IL1RAPL1: variants seen among roughly 807,000 people sequenced by gnomAD.
IL1RAPL1 encodes interleukin 1 receptor accessory protein like 1.
A neutral mutation model predicts 48.4 loss-of-function variants in IL1RAPL1; 3 were observed. The observed-to-expected ratio is 0.06, with a 90% CI of 0.03 to 0.16. IL1RAPL1 has a LOEUF of 0.16. IL1RAPL1 is among the 10% of genes least tolerant of loss of function. The pLI is 1.00. For missense variants in IL1RAPL1, 349 were observed against 530.6 expected (o/e 0.66, Z 3.36); for synonymous variants, 185 against 187.7 (o/e 0.99, Z 0.12).
intron 9 of IL1RAPL1, among the ~76,000 whole-genome samples, chrX:29,954,141 C>T (rs1933368097): frequency 1.0e-5 from 1 of 98,731 alleles, no homozygotes; most frequent in Admixed American, 1.2e-4. Context: ...GAGGTTGAGG[C>T]AGGAGAATGG....
intron 4 of IL1RAPL1, among the ~76,000 whole-genome samples, chrX:29,398,907 AT>A (rs1347821129): frequency 2.7e-5 from 3 of 112,221 alleles, no homozygotes; most frequent in African/African-American, 3.2e-5. Flanking sequence ...TTCCAAAAAA[AT>A]AATCTTCAGA....
chrX:29,334,419 A>C (rs1225629958), intron 3 of IL1RAPL1, among the ~76,000 whole-genome samples: 4 of 81,562 alleles, frequency 4.9e-5, no homozygotes, highest in African/African-American at 9.6e-5. Context: ...GGAGCCCCTC[A>C]CCTCCCGGAC....
intron 2 of IL1RAPL1, among the ~76,000 whole-genome samples, chrX:29,114,443 C>T (rs1000891900): frequency 8.0e-5 from 9 of 112,029 alleles, no homozygotes; most frequent in Non-Finnish European, 1.1e-4. Context: ...AATATATGCA[C>T]ACCTCTTCCC....
chrX:29,524,626 G>C (rs2147774579), intron 5 of IL1RAPL1, among the ~76,000 whole-genome samples: 1 of 111,814 alleles, frequency 8.9e-6, no homozygotes, highest in African/African-American at 3.2e-5. Flanking sequence ...GATATGGAAA[G>C]AAGGGTACAT....
intron 2 of IL1RAPL1, among the ~76,000 whole-genome samples, chrX:29,135,322 A>G (rs953240171): frequency 1.8e-5 from 2 of 111,711 alleles, no homozygotes; most frequent in Non-Finnish European, 1.9e-5. Flanking sequence ...TGTATTCTGT[A>G]TTGCCTGTAA....
At chrX:29,884,982 A>G (rs901055772) in intron 6 of IL1RAPL1, among the ~76,000 whole-genome samples, 7 of 111,415 alleles carry the variant, frequency 6.3e-5, no homozygotes, top group Non-Finnish European at 1.3e-4. Flanking sequence ...TCTGTTTTAC[A>G]TTGTCAGCAA....
At chrX:29,769,413 G>A (rs1928993126) in intron 6 of IL1RAPL1, among the ~76,000 whole-genome samples, 2 of 97,018 alleles carry the variant, frequency 2.1e-5, no homozygotes, top group Admixed American at 1.2e-4. Context: ...ATATTTTTGA[G>A]GGACTGCCAA....
At chrX:29,220,944 C>A (rs1478112059) in intron 2 of IL1RAPL1, among the ~76,000 whole-genome samples, 1 of 111,373 alleles carries the variant, frequency 9.0e-6, no homozygotes, top group East Asian at 2.8e-4. Flanking sequence ...TGTAGTCTCA[C>A]TTTGTCACCC....
At chrX:29,822,086 G>T (rs1287808737) in intron 6 of IL1RAPL1, among the ~76,000 whole-genome samples, 1 of 111,361 alleles carries the variant, frequency 9.0e-6, no homozygotes, top group Non-Finnish European at 1.9e-5. Context: ...TTTTCCAATT[G>T]ATCTTGTATT....
chrX:29,621,286 G>A (rs926693605), intron 5 of IL1RAPL1, among the ~76,000 whole-genome samples: 1 of 110,978 alleles, frequency 9.0e-6, no homozygotes, highest in African/African-American at 3.3e-5. Context: ...ACATACATGT[G>A]TATATATTTA....
At chrX:29,952,127 C>G (rs192263148) in intron 9 of IL1RAPL1, among the ~76,000 whole-genome samples, 1 of 111,786 alleles carries the variant, frequency 8.9e-6, no homozygotes, top group East Asian at 2.8e-4. Context: ...TTGTTTACAT[C>G]TCGTCTGATT....
At chrX:28,979,474 T>C (rs935925476) in intron 2 of IL1RAPL1, among the ~76,000 whole-genome samples, 21 of 112,240 alleles carry the variant, frequency 1.9e-4, no homozygotes, top group African/African-American at 6.8e-4. Context: ...ACTTGAAATA[T>C]CCAGTCACTA....
intron 6 of IL1RAPL1, among the ~76,000 whole-genome samples, chrX:29,740,139 A>AAG (rs1202332652): frequency 9.7e-6 from 1 of 103,495 alleles, no homozygotes; most frequent in Non-Finnish European, 2.0e-5. Context: ...AAAAAAAAAA[A>AAG]AAGAAGCAGC....
intron 2 of IL1RAPL1, among the ~76,000 whole-genome samples, chrX:28,986,600 G>C (rs750152920): frequency 8.9e-6 from 1 of 112,255 alleles, no homozygotes; most frequent in Non-Finnish European, 1.9e-5. Context: ...CACTTGTGTA[G>C]ACAGAAATAA....
intron 2 of IL1RAPL1, among the ~76,000 whole-genome samples, chrX:29,100,713 G>C (rs753665624): frequency 9.0e-6 from 1 of 111,463 alleles, no homozygotes; most frequent in South Asian, 3.8e-4. Context: ...AGACATATTA[G>C]CCTTCTCTAC....
At chrX:29,068,506 G>A (rs940016300) in intron 2 of IL1RAPL1, among the ~76,000 whole-genome samples, 1 of 112,583 alleles carries the variant, frequency 8.9e-6, no homozygotes, top group African/African-American at 3.2e-5. Flanking sequence ...ATAGGGAAAA[G>A]CTTCAAAGAG....
chrX:28,981,208 C>T (rs1925332804), intron 2 of IL1RAPL1, among the ~76,000 whole-genome samples: 1 of 107,123 alleles, frequency 9.3e-6, no homozygotes, highest in African/African-American at 3.4e-5. Context: ...AATGGCCTGC[C>T]TTGATAAGAG....
At chrX:29,917,114 A>T (rs1601882178) in intron 6 of IL1RAPL1, among the ~76,000 whole-genome samples, 1 of 112,168 alleles carries the variant, frequency 8.9e-6, no homozygotes, top group East Asian at 2.8e-4. Context: ...CTTTGATATC[A>T]TGCTTCGAGA....
intron 6 of IL1RAPL1, among the ~76,000 whole-genome samples, chrX:29,857,252 A>T (rs1224050075): frequency 9.0e-6 from 1 of 111,632 alleles, no homozygotes; most frequent in East Asian, 2.8e-4. Context: ...CATTAAAGGA[A>T]CTGCCAAATA....
Sources: allele counts gnomAD v4.1 joint callset (sites outside exome capture counted in the v4.1 genomes callset), GRCh38; gene constraint gnomAD v4.1.1; transcripts MANE v1.5; gene names NCBI Gene and HGNC (gene_info 2026-07-23, HGNC 2026-07-21).